The following USP47 variants were observed in gnomAD, a reference collection of about 807,000 sequenced individuals.
USP47 encodes ubiquitin specific peptidase 47.
USP47 carries 35 observed loss-of-function variants against 165.1 expected under a neutral mutation model. The ratio of observed to expected loss-of-function variants is 0.21; its 90% CI spans 0.16 to 0.28. The LOEUF is 0.28. Among genes scored for constraint, USP47 ranks in the 10% least tolerant of loss-of-function variants. USP47 has a pLI of 1.00. For missense variants in USP47, 1,277 were observed against 1,607.4 expected (o/e 0.79, Z 3.52); for synonymous variants, 531 against 544.5 (o/e 0.98, Z 0.35).
At chr11:11,940,798 C>T (rs543729629) in intron 19 of USP47, among the ~76,000 whole-genome samples, 2 of 150,512 alleles carry the variant, frequency 1.3e-5, no homozygotes, top group South Asian at 4.2e-4. Context: ...GAGTGTTCTT[C>T]CTCCTCTCCC....
chr11:11,950,594 G>C, intron 24 of USP47, 112 bp downstream of exon 24: 1 of 736,646 alleles, frequency 1.4e-6, no homozygotes, highest in Non-Finnish European at 2.2e-6. Flanking sequence ...ATACATTATA[G>C]TGTTTTGTGT....
intron 3 of USP47, among the ~76,000 whole-genome samples, chr11:11,884,865 A>G (rs1851052688): frequency 6.6e-6 from 1 of 152,168 alleles, no homozygotes. Context: ...GTCTAGGATA[A>G]GTCAAAGTGC....
chr11:11,937,047 A>G (rs566828185), intron 17 of USP47, among the ~76,000 whole-genome samples: 1 of 151,878 alleles, frequency 6.6e-6, no homozygotes, highest in East Asian at 1.9e-4. Context: ...TCTTCATTAA[A>G]TCTATCACAT....
At chr11:11,934,161 A>G (rs1854883858) in intron 16 of USP47, among the ~76,000 whole-genome samples, 1 of 152,122 alleles carries the variant, frequency 6.6e-6, no homozygotes, top group Non-Finnish European at 1.5e-5. Flanking sequence ...AGATCCCAGA[A>G]TTAAAATTAG....
intron 8 of USP47, 45 bp from the exon 9 acceptor site, chr11:11,920,111 A>T (rs1343492294): frequency 2.9e-6 from 4 of 1,373,236 alleles, no homozygotes; most frequent in Non-Finnish European, 3.9e-6. Flanking sequence ...TTTGTCATTA[A>T]TATAATATTT....
intron 7 of USP47, 83 bp from the exon 8 acceptor site, chr11:11,905,316 A>T (rs960662878): frequency 1.0e-6 from 1 of 985,168 alleles, no homozygotes; most frequent in Non-Finnish European, 1.4e-6. Context: ...CCTTTTGTAA[A>T]CCATTCTAAA....
chr11:11,932,638 CT>C (rs1231210446), intron 14 of USP47, among the ~76,000 whole-genome samples: 1 of 152,120 alleles, frequency 6.6e-6, no homozygotes, highest in African/African-American at 2.4e-5. Flanking sequence ...GAGAAGTAAA[CT>C]TGCCCAAGGT....
intron 2 of USP47, 150 bp downstream of exon 2, chr11:11,880,530 T>C (rs957493114): frequency 3.1e-5 from 15 of 491,296 alleles, no homozygotes; most frequent in Non-Finnish European, 4.8e-5. Context: ...AGTAATTGGA[T>C]CCTTCTTCTT....
intron 11 of USP47, among the ~76,000 whole-genome samples, chr11:11,925,968 C>G (rs924977988): frequency 2.6e-5 from 4 of 152,058 alleles, no homozygotes; most frequent in African/African-American, 9.7e-5. Flanking sequence ...TTAATTTTGT[C>G]AGATGCTTTT....
intron 1 of USP47, among the ~76,000 whole-genome samples, chr11:11,852,823 AAG>A (rs1395631161): frequency 7.9e-5 from 12 of 152,160 alleles, no homozygotes; most frequent in African/African-American, 2.7e-4. Flanking sequence ...CTCATGCCCC[AAG>A]CCAGTTTTGT....
Position 11,936,273 on chromosome 11 carries a change from TTTTCTTTCTGGGGGA to T in USP47, c.1870-27_1870-13del. On this transcript the variant is annotated splice_polypyrimidine_tract_variant and intron_variant, in intron 16 of 27. Coordinates refer to ENST00000527733, the MANE Select transcript of USP47 (RefSeq NM_001282659.2). Reference sequence around the variant, plus strand: ...ATATAAATATATATGTATATATATTTTTTCTTTCTGGGGGATTACTTTCTTTTAGATGATGGATTT... The same window carrying T: ...ATATAAATATATATGTATATATATTTTTACTTTCTTTTAGATGATGGATTT... 1 of 1,325,952 alleles carries T rather than the reference TTTTCTTTCTGGGGGA, an allele frequency of 7.5e-7. No homozygotes were observed. Among genetic ancestry groups the T allele is most frequent in the Non-Finnish European group, 1.0e-6 (1 of 1,001,018 alleles). 82.1% of individuals were successfully genotyped at this position (1,325,952 alleles called of 1,614,324 possible). A position where few individuals can be genotyped will look rare whatever the true frequency, so the allele number is the denominator to read the frequency against.
rs1043774853 is a variant in USP47, at chr11:11,892,226, T to C, written c.496+120T>C. The C allele has an allele frequency of 3.3e-5, 36 of 1,104,838 alleles. No homozygotes were observed. In the Admixed American group the frequency reaches 9.5e-4, roughly 29 times the overall value. 68.4% of individuals were successfully genotyped at this position (1,104,838 alleles called of 1,614,324 possible). A position where few individuals can be genotyped will look rare whatever the true frequency, so the allele number is the denominator to read the frequency against. ...AAACTGAGACCTAGAGCAGGAGTACTAGCTAGCAGCCGCAAAGTTAGAAGA... is the reference window on the plus strand; with the variant it reads ...AAACTGAGACCTAGAGCAGGAGTACCAGCTAGCAGCCGCAAAGTTAGAAGA... On this transcript the variant is annotated intron_variant, in intron 4 of 27. Transcript: ENST00000527733.
chr11:11,906,922 C>T (rs562663203), intron 8 of USP47, among the ~76,000 whole-genome samples: 1 of 151,886 alleles, frequency 6.6e-6, no homozygotes, highest in South Asian at 2.1e-4. Flanking sequence ...TTTGGTAGTC[C>T]CAAGTGATAT....
At chr11:11,940,638 G>A in intron 19 of USP47, 90 bp downstream of exon 19, 2 of 1,357,590 alleles carry the variant, frequency 1.5e-6, no homozygotes, top group Non-Finnish European at 1.0e-6. Flanking sequence ...CTCCACAGCT[G>A]TTCAACATCT....
chr11:11,869,461 A>G (rs1275865263), intron 1 of USP47, among the ~76,000 whole-genome samples: 1 of 148,808 alleles, frequency 6.7e-6, no homozygotes, highest in Non-Finnish European at 1.5e-5. Context: ...ACATTGATCT[A>G]TTTATCTCTC....
chr11:11,929,577 T>G lies in USP47; in HGVS notation c.1518+12T>G, dbSNP rs1854500614. 2 of 1,609,046 alleles carry G rather than the reference T, an allele frequency of 1.2e-6. No homozygotes were observed. Among genetic ancestry groups the G allele is most frequent in the Non-Finnish European group, 1.7e-6 (2 of 1,177,940 alleles). ...AACATGTCAGCAGGGTAAGGAGGTG[T>G]CCTTTAAGATTATTACTCTGAAAGG... On this transcript the variant is annotated intron_variant, in intron 12 of 27. Coordinates refer to ENST00000527733, the MANE Select transcript of USP47 (RefSeq NM_001282659.2).
At position 11,922,811 on chromosome 11, in the gene USP47, A is replaced by C. The variant is rs1564881194; in HGVS notation, c.1306A>C (p.Asn436His). The C allele has an allele frequency of 6.2e-7, 1 of 1,611,758 alleles. No homozygotes were observed. The highest frequency in any genetic ancestry group is 1.7e-5 in the Admixed American group (1 of 59,916). Reference sequence around the variant, plus strand: ...TGATCAGATGAGCAACGATTTCTCCAATGATGATGGTGTTGATGAAGGAAT... The same window carrying C: ...TGATCAGATGAGCAACGATTTCTCCCATGATGATGGTGTTGATGAAGGAAT... ...HSDQMSNDFS[N>H]DDGVDEGICL... The change falls in exon 11 of 28, where the codon AAT becomes CAT. Residue 436 changes from asparagine to histidine, a missense_variant. This residue lies in a region of USP47 where 175 missense variants were observed against 295.8 expected (regional missense o/e 0.59). Coordinates refer to ENST00000527733, the MANE Select transcript of USP47 (RefSeq NM_001282659.2).
At chr11:11,951,134 T>G (rs971288211) in intron 24 of USP47, 1 of 152,288 alleles carries the variant, frequency 6.6e-6, no homozygotes, top group African/African-American at 2.4e-5. Flanking sequence ...TTGGCCATCA[T>G]TGGCAACCTT....
intron 14 of USP47, 81 bp from the exon 15 acceptor site, chr11:11,932,923 C>T (rs899955083): frequency 6.0e-6 from 6 of 998,378 alleles, no homozygotes; most frequent in Non-Finnish European, 9.2e-6. Context: ...AAGTATATAC[C>T]ATGAGAGCAT....
Sources: gnomAD v4.1 joint callset for allele counts (sites outside exome capture counted in the v4.1 genomes callset) on GRCh38, gnomAD v4.1.1 for gene constraint, gnomAD v4.1.1 regional missense constraint, MANE v1.5 for transcripts, NCBI Gene and HGNC (gene_info 2026-07-23, HGNC 2026-07-21) for gene names.